The following TYW1 variants were observed in gnomAD, a reference collection of about 807,000 sequenced individuals.
TYW1 encodes tRNA-yW synthesizing protein 1 homolog, also known as S-adenosyl-L-methionine-dependent tRNA 4-demethylwyosine synthase TYW1.
Under a neutral mutation model 96.2 loss-of-function variants are expected in TYW1, and 46 were observed. That is an observed-to-expected ratio of 0.48 (90% CI 0.38 to 0.61). The LOEUF is 0.61. Among genes scored for constraint, TYW1 ranks in the 20% least tolerant of loss-of-function variants. The probability of loss-of-function intolerance (pLI) is 0.00; values close to 1 mark genes in which losing one functional copy is unlikely to be tolerated. For missense variants in TYW1, 684 were observed against 909.6 expected (o/e 0.75, Z 3.19); for synonymous variants, 274 against 323.0 (o/e 0.85, Z 1.63).
At chr7:67,183,715 C>T (rs1799913405) in intron 14 of TYW1, among the ~76,000 whole-genome samples, 1 of 152,038 alleles carries the variant, frequency 6.6e-6, no homozygotes, top group Admixed American at 6.6e-5. Context: ...TGCTCTTAGC[C>T]CAGATTATTT....
At chr7:67,186,265 T>TCCA (rs1554388118) in intron 14 of TYW1, among the ~76,000 whole-genome samples, 1 of 68,322 alleles carries the variant, frequency 1.5e-5, no homozygotes, top group Non-Finnish European at 2.8e-5. Flanking sequence ...CTTCCTTTCT[T>TCCA]CCCCCCCGCC....
chr7:67,108,443 C>CTT (rs11433479), intron 12 of TYW1, among the ~76,000 whole-genome samples: 83 of 134,762 alleles, frequency 6.2e-4, no homozygotes, highest in African/African-American at 1.2e-3. Flanking sequence ...CAGATTTTTT[C>CTT]TTTTTTTTTT....
At chr7:67,221,898 T>C (rs1187959552) in intron 15 of TYW1, among the ~76,000 whole-genome samples, 3 of 149,802 alleles carry the variant, frequency 2.0e-5, no homozygotes, top group African/African-American at 7.4e-5. Context: ...TGTGTTAACA[T>C]AGAAAACAAA....
intron 10 of TYW1, among the ~76,000 whole-genome samples, chr7:67,075,338 G>T (rs1264000593): frequency 6.6e-6 from 1 of 152,156 alleles, no homozygotes; most frequent in African/African-American, 2.4e-5. Context: ...CCTGTGAAGT[G>T]GGGGCAGGGT....
At chr7:66,997,200 C>G (rs570854611) in intron 1 of TYW1, among the ~76,000 whole-genome samples, 1 of 152,182 alleles carries the variant, frequency 6.6e-6, no homozygotes, top group Non-Finnish European at 1.5e-5. Flanking sequence ...GAAAACTACC[C>G]CTCCCACTTT....
chr7:67,011,942 G>T (rs559428505), intron 4 of TYW1, among the ~76,000 whole-genome samples: 1 of 151,836 alleles, frequency 6.6e-6, no homozygotes, highest in South Asian at 2.1e-4. Flanking sequence ...GGGCCAGGTA[G>T]TATCTTCACC....
At chr7:67,008,130 A>G (rs1347804786) in intron 3 of TYW1, among the ~76,000 whole-genome samples, 1 of 152,098 alleles carries the variant, frequency 6.6e-6, no homozygotes, top group African/African-American at 2.4e-5. Context: ...GTGGTTTATC[A>G]TAAAGGATGC....
intron 3 of TYW1, among the ~76,000 whole-genome samples, chr7:67,000,175 A>G (rs1332774314): frequency 2.6e-5 from 4 of 152,170 alleles, no homozygotes; most frequent in South Asian, 2.1e-4. Flanking sequence ...GGCTCAAGCA[A>G]TCTGCCCGCC....
intron 15 of TYW1, among the ~76,000 whole-genome samples, chr7:67,197,419 C>T (rs1292107007): frequency 4.6e-5 from 7 of 151,990 alleles, no homozygotes; most frequent in African/African-American, 9.6e-5. Flanking sequence ...TCTGCCTCCT[C>T]GCTTCAAGCG....
intron 13 of TYW1, among the ~76,000 whole-genome samples, chr7:67,120,076 T>TTTTC (rs58615430): frequency 0.28 from 41,750 of 151,722 alleles, 6,526 homozygotes; most frequent in African/African-American, 0.43. Context: ...ATGTTTCTTT[T>TTTTC]TTTCTTCTTT....
At chr7:67,128,736 T>C (rs1238233747) in intron 13 of TYW1, among the ~76,000 whole-genome samples, 1 of 150,332 alleles carries the variant, frequency 6.7e-6, no homozygotes, top group Non-Finnish European at 1.5e-5. Flanking sequence ...TGTCACAGGC[T>C]GGAGTGCAGT....
intron 5 of TYW1, among the ~76,000 whole-genome samples, chr7:67,015,642 TC>T (rs1245071942): frequency 1.3e-5 from 2 of 152,158 alleles, no homozygotes; most frequent in Non-Finnish European, 2.9e-5. Flanking sequence ...CATGAACGTG[TC>T]CAGCCTGAGC....
chr7:67,100,971 ACT>A (rs796682453), intron 12 of TYW1, among the ~76,000 whole-genome samples: 47 of 152,154 alleles, frequency 3.1e-4, no homozygotes, highest in African/African-American at 1.1e-3. Context: ...CAGAAGCCAC[ACT>A]CTGTTACAGA....
chr7:67,194,194 A>G (rs1311477732), intron 14 of TYW1, among the ~76,000 whole-genome samples: 2 of 152,132 alleles, frequency 1.3e-5, no homozygotes, highest in African/African-American at 4.8e-5. Flanking sequence ...GTACTTAAGA[A>G]TTTCTGTGTT....
chr7:67,074,863 C>T lies in TYW1; in HGVS notation c.1274+7460C>T, dbSNP rs1263716236. Among the ~76,000 whole-genome samples the T allele has an allele frequency of 7.2e-5, 11 of 151,892 alleles. No individual in the cohort carries two copies. The East Asian group carries it at 9.7e-4, about 13-fold the overall frequency. ...TTTTTATTCTTTTGAGATGGAGTCT[C>T]GCTCTGTCACCCAGGCTGGAGTGCA... On this transcript the variant is annotated intron_variant, in intron 10 of 15. Coordinates refer to ENST00000359626, the MANE Select transcript of TYW1 (RefSeq NM_018264.4).
chr7:67,063,743 A>G (rs1177144208), intron 9 of TYW1, among the ~76,000 whole-genome samples: 2 of 151,946 alleles, frequency 1.3e-5, no homozygotes, highest in Non-Finnish European at 2.9e-5. Flanking sequence ...AGCTGGGACT[A>G]CAGGTGCCCG....
chr7:67,030,986 A>T (rs1269553799), intron 7 of TYW1, among the ~76,000 whole-genome samples: 8 of 145,870 alleles, frequency 5.5e-5, no homozygotes, highest in East Asian at 4.3e-4. Flanking sequence ...GGATCACCTG[A>T]GGTCAGGAGT....
intron 11 of TYW1, among the ~76,000 whole-genome samples, chr7:67,085,033 A>C (rs542716031): frequency 5.3e-5 from 8 of 152,288 alleles, no homozygotes; most frequent in Admixed American, 3.9e-4. Flanking sequence ...GCAACCATTA[A>C]AAAATAGTCC....
chr7:67,231,745 C>T (rs2140566), intron 15 of TYW1, among the ~76,000 whole-genome samples: 5,893 of 151,562 alleles, frequency 0.039, 196 homozygotes, highest in African/African-American at 0.085. Flanking sequence ...GTGCCTCAGA[C>T]GGTGTGTCTG....
Sources: allele counts gnomAD v4.1 joint callset (sites outside exome capture counted in the v4.1 genomes callset), GRCh38; gene constraint gnomAD v4.1.1; transcripts MANE v1.5; gene names NCBI Gene and HGNC (gene_info 2026-07-23, HGNC 2026-07-21).